BET1: variants seen among roughly 807,000 people sequenced by gnomAD.
BET1 encodes BET1 homolog.
In BET1, 9 loss-of-function variants were observed where a neutral mutation model predicts 13.9. The ratio of observed to expected loss-of-function variants is 0.65; its 90% CI spans 0.39 to 1.13. BET1 has a LOEUF of 1.13. Among genes scored for constraint, BET1 ranks in the 50% most tolerant of loss-of-function variants. BET1 has a pLI of 0.01. For missense variants in BET1, 127 were observed against 133.6 expected (o/e 0.95, Z 0.24); for synonymous variants, 39 against 47.3 (o/e 0.82, Z 0.72).
chr7:93,973,027 C>T (rs757813585), intron 5 of BET1, among the ~76,000 whole-genome samples: 2 of 151,748 alleles, frequency 1.3e-5, no homozygotes, highest in Non-Finnish European at 2.9e-5. Flanking sequence ...AGAAATTTTG[C>T]TCCGAAATGA....
At chr7:93,977,481 T>TA (rs1222008029) in intron 4 of BET1, among the ~76,000 whole-genome samples, 1 of 152,030 alleles carries the variant, frequency 6.6e-6, no homozygotes, top group Non-Finnish European at 1.5e-5. Flanking sequence ...TGAGAAAAAA[T>TA]AAAAAATTGG....
chr7:93,981,951 G>A (rs779313335), intron 4 of BET1, among the ~76,000 whole-genome samples: 21 of 152,154 alleles, frequency 1.4e-4, no homozygotes, highest in Non-Finnish European at 2.6e-4. Flanking sequence ...ATTGTGGGGA[G>A]AGTGGATAGG....
At chr7:94,000,754 C>G (rs1584149062) in intron 1 of BET1, among the ~76,000 whole-genome samples, 1 of 152,082 alleles carries the variant, frequency 6.6e-6, no homozygotes, top group African/African-American at 2.4e-5. Context: ...GGTTGAAGAT[C>G]TGGATTATGG....
At chr7:93,975,075 G>A (rs1268351264) in intron 5 of BET1, among the ~76,000 whole-genome samples, 2 of 152,008 alleles carry the variant, frequency 1.3e-5, no homozygotes, top group Admixed American at 1.3e-4. Flanking sequence ...TAGCTGACCA[G>A]GACTCTTCAG....
intron 5 of BET1, among the ~76,000 whole-genome samples, chr7:93,974,563 T>A (rs980560529): frequency 3.3e-5 from 5 of 151,684 alleles, no homozygotes; most frequent in Non-Finnish European, 2.9e-5. Context: ...AAAGAAAAAA[T>A]GTAATTGGAT....
chr7:93,970,020 T>G (rs1232384672), intron 6 of BET1, among the ~76,000 whole-genome samples: 1 of 151,900 alleles, frequency 6.6e-6, no homozygotes, highest in East Asian at 1.9e-4. Flanking sequence ...AGAGAGAGTA[T>G]CAATTGCTAA....
Position 93,999,978 on chromosome 7 carries a change from T to C in BET1, c.20-684A>G, listed in dbSNP as rs193178364. On this transcript the variant is annotated intron_variant, in intron 1 of 3. Coordinates refer to ENST00000222547, the MANE Select transcript of BET1 (RefSeq NM_005868.6). ...TAAGGGATAAGAATGTACACCTCCC[T>C]GCCTAATATAGTACTTCATAGTCAT... 4.6e-5 allele frequency among the ~76,000 whole-genome samples: 7 copies of C among 152,330 alleles called. No individual in the cohort carries two copies. In the East Asian group the frequency reaches 1.3e-3, roughly 29 times the overall value.
At chr7:93,985,354 T>C (rs985826681) in intron 4 of BET1, among the ~76,000 whole-genome samples, 2 of 152,206 alleles carry the variant, frequency 1.3e-5, no homozygotes, top group African/African-American at 4.8e-5. Context: ...TGGGCCAGAA[T>C]TTTATGTGTA....
At chr7:93,999,142 A>T in intron 2 of BET1, 28 bp downstream of exon 2, 6 of 1,502,068 alleles carry the variant, frequency 4.0e-6, no homozygotes, top group Non-Finnish European at 5.5e-6. Context: ...ATGAATTAAA[A>T]CACATATAAT....
chr7:93,992,271 A>C (rs1795651928), downstream of BET1: 4 of 985,228 alleles, frequency 4.1e-6, no homozygotes, highest in South Asian at 1.9e-4. Flanking sequence ...CCTTTTCCTG[A>C]AATCTCTATC....
At chr7:94,001,054 C>A (rs1230064719) in intron 1 of BET1, among the ~76,000 whole-genome samples, 1 of 152,202 alleles carries the variant, frequency 6.6e-6, no homozygotes, top group Non-Finnish European at 1.5e-5. Flanking sequence ...GCACTGATCA[C>A]TGAAGGACAG....
At chr7:94,001,099 A>G (rs1198687079) in intron 1 of BET1, among the ~76,000 whole-genome samples, 3 of 152,234 alleles carry the variant, frequency 2.0e-5, no homozygotes, top group Non-Finnish European at 4.4e-5. Flanking sequence ...TCAAGGCACA[A>G]TAGAAATTTC....
chr7:93,987,565 G>C (rs1178808338), intron 4 of BET1, among the ~76,000 whole-genome samples: 2 of 151,806 alleles, frequency 1.3e-5, no homozygotes, highest in African/African-American at 4.9e-5. Flanking sequence ...TCTACAACTG[G>C]GTTTCCGTAT....
At chr7:93,989,269 C>T (rs1469593212), downstream of BET1, among the ~76,000 whole-genome samples, 1 of 152,044 alleles carries the variant, frequency 6.6e-6, no homozygotes, top group African/African-American at 2.4e-5. Context: ...CTACCTCGGC[C>T]TTCCAAAGTG....
In BET1 at chr7:93,993,273, A is replaced by C; in HGVS notation, c.*957T>G. On this transcript the variant is annotated 3_prime_UTR_variant, in exon 4 of 4. Coordinates refer to ENST00000222547, the MANE Select transcript of BET1 (RefSeq NM_005868.6). The stretch of plus-strand genomic sequence containing the variant: ...AGTCGACTAATATATTTTATTTAAA[A>C]ATTTACTTTTGAAGCCTATAAATGG... 1 of 944,734 alleles carries C rather than the reference A, an allele frequency of 1.1e-6. No individual in the cohort carries two copies. The highest frequency in any genetic ancestry group is 1.3e-6 in the Non-Finnish European group (1 of 793,000). The allele number at this position is 944,734 out of a possible 1,614,324, so 58.5% of individuals were successfully genotyped here.
intron 5 of BET1, chr7:93,975,843 A>T: frequency 1.2e-6 from 1 of 846,966 alleles, no homozygotes; most frequent in African/African-American, 1.8e-5. Context: ...CACCTGCCAG[A>T]TAACGATTTT....
intron 4 of BET1, among the ~76,000 whole-genome samples, chr7:93,983,570 T>C (rs776632858): frequency 4.6e-5 from 7 of 152,128 alleles, no homozygotes; most frequent in Non-Finnish European, 7.3e-5. Flanking sequence ...GAGCCATGAC[T>C]CTGTACAAAA....
downstream of BET1, chr7:93,992,006 T>G (rs1795647451): frequency 1.0e-6 from 1 of 985,342 alleles, no homozygotes; most frequent in Admixed American, 6.1e-5. Flanking sequence ...TCCAGAATTC[T>G]GATGCTTAAA....
At chr7:93,976,245 A>C (rs929168011) in intron 4 of BET1, 1 of 543,110 alleles carries the variant, frequency 1.8e-6, no homozygotes, top group African/African-American at 2.0e-5. Context: ...GGCTTATGTG[A>C]TAGAAAGCTT....
Sources: allele counts gnomAD v4.1 joint callset (sites outside exome capture counted in the v4.1 genomes callset), GRCh38; gene constraint gnomAD v4.1.1; transcripts MANE v1.5; gene names NCBI Gene and HGNC (gene_info 2026-07-23, HGNC 2026-07-21).